CNTNAP5: variants seen among roughly 807,000 people sequenced by gnomAD.
The protein encoded by CNTNAP5 is contactin associated protein family member 5, also known as contactin-associated protein-like 5.
Under a neutral mutation model 150.2 loss-of-function variants are expected in CNTNAP5, and 72 were observed. The ratio of observed to expected loss-of-function variants is 0.48; its 90% CI spans 0.40 to 0.58. The LOEUF (loss-of-function observed/expected upper bound fraction) is 0.58. Ranked by LOEUF, CNTNAP5 falls within the 20% of genes least tolerant of loss-of-function variation. The pLI, the probability that CNTNAP5 is intolerant of heterozygous loss-of-function variation, is 0.00. For missense variants in CNTNAP5, 1,636 were observed against 1,626.2 expected (o/e 1.01, Z -0.10); for synonymous variants, 672 against 619.8 (o/e 1.08, Z -1.25).
intron 8 of CNTNAP5, among the ~76,000 whole-genome samples, chr2:124,508,633 C>T (rs907972640): frequency 4.6e-5 from 7 of 152,198 alleles, no homozygotes; most frequent in African/African-American, 1.7e-4. Flanking sequence ...GGGAACAAAT[C>T]ATCAGTTATT....
intron 1 of CNTNAP5, among the ~76,000 whole-genome samples, chr2:124,175,380 C>G (rs754113413): frequency 2.0e-5 from 3 of 152,112 alleles, no homozygotes; most frequent in Non-Finnish European, 2.9e-5. Context: ...CTTTTATACT[C>G]TTTTATTCCT....
chr2:124,356,050 A>G (rs1454939822), intron 3 of CNTNAP5, among the ~76,000 whole-genome samples: 1 of 152,216 alleles, frequency 6.6e-6, no homozygotes, highest in African/African-American at 2.4e-5. Context: ...AATATAGTTA[A>G]AAACATTTTC....
chr2:124,667,927 A>T (rs1266128843), intron 13 of CNTNAP5, among the ~76,000 whole-genome samples: 1 of 152,206 alleles, frequency 6.6e-6, no homozygotes, highest in Non-Finnish European at 1.5e-5. Context: ...TCCTTGGGAG[A>T]AACGACCCAG....
intron 7 of CNTNAP5, among the ~76,000 whole-genome samples, chr2:124,496,778 G>A (rs980538183): frequency 6.6e-6 from 1 of 152,108 alleles, no homozygotes; most frequent in Non-Finnish European, 1.5e-5. Context: ...CTGTCCCTAC[G>A]GTAGAGGAGT....
intron 1 of CNTNAP5, among the ~76,000 whole-genome samples, chr2:124,207,084 C>T (rs1558801147): frequency 1.3e-5 from 2 of 152,144 alleles, no homozygotes; most frequent in African/African-American, 2.4e-5. Flanking sequence ...AGTTAAAATT[C>T]CATTTAAAGA....
chr2:124,113,046 T>G (rs12470976), intron 1 of CNTNAP5, among the ~76,000 whole-genome samples: 148,834 of 152,208 alleles, frequency 0.98, 72,858 homozygotes, highest in East Asian at 1. Flanking sequence ...ACACTGCCTG[T>G]GAATGTAAGT....
chr2:124,749,848 G>A (rs1421886521), intron 14 of CNTNAP5, among the ~76,000 whole-genome samples: 2 of 152,088 alleles, frequency 1.3e-5, no homozygotes, highest in Non-Finnish European at 2.9e-5. Context: ...ACTGACCCAG[G>A]CTTAAATTAC....
chr2:124,891,550 A>G (rs1035146919), intron 21 of CNTNAP5, among the ~76,000 whole-genome samples: 1 of 152,100 alleles, frequency 6.6e-6, no homozygotes, highest in Admixed American at 6.6e-5. Flanking sequence ...TTGAGCCCAA[A>G]AGATATCATG....
chr2:124,031,540 A>G (rs578018800), intron 1 of CNTNAP5, among the ~76,000 whole-genome samples: 1 of 152,296 alleles, frequency 6.6e-6, no homozygotes, highest in East Asian at 1.9e-4. Flanking sequence ...GAGCTGAAAA[A>G]TGAGCCCCTG....
At chr2:124,213,805 C>T (rs1028264439) in intron 1 of CNTNAP5, among the ~76,000 whole-genome samples, 5 of 152,172 alleles carry the variant, frequency 3.3e-5, no homozygotes, top group Admixed American at 3.3e-4. Flanking sequence ...AAAAACACTG[C>T]TTTCCTCTCA....
chr2:124,822,718 G>A (rs1682516279), intron 19 of CNTNAP5, among the ~76,000 whole-genome samples: 1 of 152,192 alleles, frequency 6.6e-6, no homozygotes, highest in African/African-American at 2.4e-5. Context: ...AGCAAATGCA[G>A]ATGTTATGTT....
chr2:124,203,262 T>C (rs1177858389), intron 1 of CNTNAP5, among the ~76,000 whole-genome samples: 1 of 152,198 alleles, frequency 6.6e-6, no homozygotes, highest in Admixed American at 6.5e-5. Flanking sequence ...ATCCAGGTCA[T>C]GCCAGTGAAA....
chr2:124,485,571 C>G (rs1693853278), intron 7 of CNTNAP5, among the ~76,000 whole-genome samples: 2 of 142,154 alleles, frequency 1.4e-5, no homozygotes, highest in African/African-American at 5.3e-5. Context: ...CGAGATCACG[C>G]CACTGCACTC....
rs146651570 is a variant in CNTNAP5, at chr2:124,879,905, C to T, written c.3436+10143C>T. 2.2e-4 allele frequency among the ~76,000 whole-genome samples: 34 copies of T among 152,140 alleles called. 1 individual carries two copies. Among genetic ancestry groups the T allele is most frequent in the South Asian group, 2.1e-4 (1 of 4,822 alleles). On this transcript the variant is annotated intron_variant, in intron 21 of 23. Coordinates refer to ENST00000682447, the MANE Select transcript of CNTNAP5 (RefSeq NM_001367498.1). ...CAAGCTAAGAGTAATGAACTCCCTG[C>T]GGCGGCCTTATAGGGACCCCTCTGA... is the stretch of plus-strand genomic sequence containing the variant.
At chr2:124,338,828 T>C (rs1037396427) in intron 3 of CNTNAP5, among the ~76,000 whole-genome samples, 2 of 152,112 alleles carry the variant, frequency 1.3e-5, no homozygotes, top group African/African-American at 2.4e-5. Flanking sequence ...TGCCATACTT[T>C]GGGATATTTT....
chr2:124,059,895 C>T (rs1681957914), intron 1 of CNTNAP5, among the ~76,000 whole-genome samples: 1 of 152,048 alleles, frequency 6.6e-6, no homozygotes, highest in Non-Finnish European at 1.5e-5. Context: ...GAATTGCCAA[C>T]ATGATATTAT....
rs540838139 is a variant in CNTNAP5, at chr2:124,146,739, T to C, written c.83-74966T>C. 6.6e-5 allele frequency among the ~76,000 whole-genome samples: 10 copies of C among 152,306 alleles called. No homozygotes were observed. In the South Asian group the frequency reaches 2.1e-3, roughly 32 times the overall value. On this transcript the variant is annotated intron_variant, in intron 1 of 23. Coordinates refer to ENST00000682447, the MANE Select transcript of CNTNAP5 (RefSeq NM_001367498.1). ...TAGTAGTTATGTTTATTATTTTTAT[T>C]CTATCTCTTTGTTGTTTTAGTTTAA... is the stretch of plus-strand genomic sequence containing the variant.
At chr2:124,515,330 A>G (rs1422895192) in intron 8 of CNTNAP5, among the ~76,000 whole-genome samples, 2 of 152,258 alleles carry the variant, frequency 1.3e-5, no homozygotes, top group East Asian at 1.9e-4. Flanking sequence ...ACCCCCAGGT[A>G]CCTGTTATCC....
chr2:124,796,328 A>G (rs1048203137), intron 18 of CNTNAP5, among the ~76,000 whole-genome samples: 1 of 152,174 alleles, frequency 6.6e-6, no homozygotes, highest in African/African-American at 2.4e-5. Context: ...TTAAGCACAC[A>G]CACAAATATC....
Sources: allele counts gnomAD v4.1 joint callset (sites outside exome capture counted in the v4.1 genomes callset), GRCh38; gene constraint gnomAD v4.1.1; transcripts MANE v1.5; gene names NCBI Gene and HGNC (gene_info 2026-07-23, HGNC 2026-07-21).